PURG: variants seen among roughly 807,000 people sequenced by gnomAD.
PURG encodes the protein purine rich element binding protein G.
PURG carries 3 observed loss-of-function variants against 24.3 expected under a neutral mutation model. The ratio of observed to expected loss-of-function variants is 0.12; its 90% CI spans 0.06 to 0.32. The LOEUF (loss-of-function observed/expected upper bound fraction) is 0.32, where lower values mean the gene tolerates loss of function less well. PURG is among the 10% of genes least tolerant of loss of function. PURG has a pLI of 1.00. For synonymous variants in PURG, 180 were observed against 173.1 expected, an observed-to-expected ratio of 1.04 and a Z score of -0.31; for missense variants, 371 against 439.1, an observed-to-expected ratio of 0.84 and a Z score of 1.39.
chr8:31,007,430 C>CTA (rs1295309718), intron 1 of PURG, among the ~76,000 whole-genome samples: 2 of 152,020 alleles, frequency 1.3e-5, no homozygotes, highest in Non-Finnish European at 2.9e-5. Context: ...CTAACATACT[C>CTA]TTATAATAAT....
chr8:31,016,098 G>C (rs1462508036), intron 1 of PURG, among the ~76,000 whole-genome samples: 1 of 151,978 alleles, frequency 6.6e-6, no homozygotes, highest in African/African-American at 2.4e-5. Context: ...AACAAACCAA[G>C]GCCAGGCACA....
At position 31,032,431 on chromosome 8, in the gene PURG, A is replaced by G; in HGVS notation, c.352T>C (p.Cys118Arg). 6.2e-7 allele frequency: 1 copy of G among 1,614,136 alleles called. No homozygotes were observed. The highest frequency in any genetic ancestry group is 8.5e-7 in the Non-Finnish European group (1 of 1,180,032). The change falls in exon 2 of 2, where the codon TGT becomes CGT. Residue 118 changes from cysteine to arginine, a missense_variant. This residue lies in a region of PURG where 213 missense variants were observed against 230.6 expected (regional missense o/e 0.92). Transcript: ENST00000523392. This position sits in a 1 kb window ranked among gnomAD's most constrained non-coding sequence, Gnocchi z 5.9. ...SLSVAAELKDCLGDFIEHYAH... is the reference protein window; with the variant it reads ...SLSVAAELKDRLGDFIEHYAH... ...TAGTGCTCGATGAAGTCCCCTAGACAGTCCTTCAGCTCCGCTGCCACAGAC... is the reference window on the plus strand; with the variant it reads ...TAGTGCTCGATGAAGTCCCCTAGACGGTCCTTCAGCTCCGCTGCCACAGAC...
chr8:31,015,538 C>CT (rs1441436842), intron 1 of PURG, among the ~76,000 whole-genome samples: 1 of 151,898 alleles, frequency 6.6e-6, no homozygotes, highest in Admixed American at 6.6e-5. Context: ...ACTGAAAGAC[C>CT]AGTCGCTTGG....
intron 1 of PURG, among the ~76,000 whole-genome samples, chr8:31,024,136 A>G (rs1056343268): frequency 5.9e-5 from 9 of 152,228 alleles, no homozygotes; most frequent in African/African-American, 2.2e-4. Context: ...GACTAGAAAC[A>G]AAATTTTATT....
In PURG at chr8:31,017,750, G is replaced by C. The variant is rs138443610; in HGVS notation, c.864+14169C>G. 5.6e-3 allele frequency among the ~76,000 whole-genome samples: 851 copies of C among 152,222 alleles called. 5 individuals are homozygous for C. Among genetic ancestry groups the C allele is most frequent in the African/African-American group, 0.02 (821 of 41,542 alleles). On this transcript the variant is annotated intron_variant, in intron 1 of 1. Transcript: ENST00000339382. ...CAATAATGAACTTACTTGGAAACTT[G>C]TTGTCTAAAACAAAAAATTTAAGAT...
At chr8:31,027,558 T>G (rs1811113878), downstream of PURG, among the ~76,000 whole-genome samples, 1 of 151,726 alleles carries the variant, frequency 6.6e-6, no homozygotes, top group East Asian at 1.9e-4. Context: ...TGAGGGTATA[T>G]TCCAGTTTCA....
chr8:31,017,846 T>A (rs16877644), intron 1 of PURG, among the ~76,000 whole-genome samples: 1 of 152,200 alleles, frequency 6.6e-6, no homozygotes, highest in Non-Finnish European at 1.5e-5. Context: ...AAAGATATTA[T>A]AGATGTTTCG....
chr8:31,006,172 A>C lies in PURG; in HGVS notation c.865-9475T>G, dbSNP rs1200709904. Among the ~76,000 whole-genome samples, 3 of 152,206 alleles carry C rather than the reference A, an allele frequency of 2.0e-5. No individual in the cohort carries two copies. The South Asian group carries it at 6.2e-4, about 32-fold the overall frequency. On this transcript the variant is annotated intron_variant, in intron 1 of 1. Transcript: ENST00000339382. ...GAATTCCCAGTTTCCTACAGAAATAACTTTATTACACTACCTGACAATTCT... is the reference window on the plus strand; with the variant it reads ...GAATTCCCAGTTTCCTACAGAAATACCTTTATTACACTACCTGACAATTCT...
chr8:31,005,730 C>A (rs1333296572), intron 1 of PURG, among the ~76,000 whole-genome samples: 1 of 151,288 alleles, frequency 6.6e-6, no homozygotes, highest in Non-Finnish European at 1.5e-5. Context: ...ACACGACATT[C>A]CTTCTAAAGC....
intron 1 of PURG, among the ~76,000 whole-genome samples, chr8:30,997,384 C>A (rs1440918900): frequency 6.6e-6 from 1 of 151,686 alleles, no homozygotes; most frequent in Non-Finnish European, 1.5e-5. Context: ...GACATTAACA[C>A]ACCTTTGGGT....
intron 1 of PURG, among the ~76,000 whole-genome samples, chr8:31,013,375 T>G (rs1810798739): frequency 6.6e-6 from 1 of 152,216 alleles, no homozygotes; most frequent in African/African-American, 2.4e-5. Context: ...AATTGATATA[T>G]TTGGTAAATA....
downstream of PURG, among the ~76,000 whole-genome samples, chr8:31,027,531 T>G (rs746893907): frequency 4.0e-5 from 6 of 151,756 alleles, no homozygotes; most frequent in Admixed American, 6.6e-5. Context: ...GGTAGCTGCT[T>G]ATTTAAAATG....
intron 1 of PURG, among the ~76,000 whole-genome samples, chr8:31,011,519 T>C (rs185976704): frequency 6.6e-6 from 1 of 152,336 alleles, no homozygotes; most frequent in East Asian, 1.9e-4. Flanking sequence ...TATGACAGTA[T>C]GTAGATAATC....
intron 1 of PURG, among the ~76,000 whole-genome samples, chr8:31,009,424 TCAAAACAAAACAAAA>T (rs369300801): frequency 1.3e-5 from 2 of 152,046 alleles, no homozygotes; most frequent in East Asian, 1.9e-4. Context: ...AGACTCTGTC[TCAAAACAAAACAAAA>T]CAAAACAAAA....
At chr8:31,025,637 G>C (rs1811075592) in intron 1 of PURG, among the ~76,000 whole-genome samples, 1 of 149,878 alleles carries the variant, frequency 6.7e-6, no homozygotes, top group Non-Finnish European at 1.5e-5. Flanking sequence ...CTCAAGTATG[G>C]GATCTTTCAT....
exon 2 of PURG, chr8:30,995,877 A>G (rs942534611): frequency 4.6e-5 from 7 of 152,000 alleles, no homozygotes; most frequent in Non-Finnish European, 8.8e-5. Context: ...TTTACTTCAT[A>G]TAAACAGAGG....
At chr8:31,019,238 T>C (rs1366782226) in intron 1 of PURG, among the ~76,000 whole-genome samples, 1 of 135,898 alleles carries the variant, frequency 7.4e-6, no homozygotes, top group Non-Finnish European at 1.5e-5. Flanking sequence ...ACAGAATATC[T>C]ACAAGGTTGT....
In PURG at chr8:31,002,304, C is replaced by A. The variant is rs187888269; in HGVS notation, c.865-5607G>T. Among the ~76,000 whole-genome samples the A allele has an allele frequency of 3.2e-4, 48 of 152,190 alleles. No homozygotes were observed. The East Asian group carries it at 6.2e-3, about 20-fold the overall frequency. ...GCCCTAAAATTCTATGTTATGCTAA[C>A]TGGTTCTTCCTCTGATAAGATGGGA... On this transcript the variant is annotated intron_variant, in intron 1 of 1. Coordinates refer to the PURG transcript ENST00000339382.
At chr8:31,010,993 G>A (rs1014016728) in intron 1 of PURG, among the ~76,000 whole-genome samples, 5 of 152,158 alleles carry the variant, frequency 3.3e-5, no homozygotes, top group Non-Finnish European at 7.3e-5. Flanking sequence ...TCTCTACAGT[G>A]AAAATTATTA....
Sources: allele counts gnomAD v4.1 joint callset (sites outside exome capture counted in the v4.1 genomes callset), GRCh38; gene constraint gnomAD v4.1.1; regional missense constraint gnomAD v4.1.1; non-coding constraint Gnocchi (gnomAD v3.1); transcripts MANE v1.5; gene names NCBI Gene and HGNC (gene_info 2026-07-23, HGNC 2026-07-21).